Variants in SRP19 observed in about 807,000 individuals in gnomAD.
SRP19 encodes the protein signal recognition particle 19, also known as signal recognition particle 19 kDa protein.
SRP19 carries 11 observed loss-of-function variants against 22.4 expected under a neutral mutation model. The observed-to-expected ratio is 0.49, with a 90% CI of 0.31 to 0.81. The LOEUF is 0.81. Ranked by LOEUF, SRP19 falls within the 40% of genes least tolerant of loss-of-function variation. SRP19 has a pLI of 0.05. For missense variants in SRP19, 168 were observed against 175.9 expected (o/e 0.96, Z 0.25); for synonymous variants, 61 against 57.6 (o/e 1.06, Z -0.27).
chr5:112,894,751 C>G (rs148560021), downstream of SRP19: 1 of 152,138 alleles, frequency 6.6e-6, no homozygotes, highest in Non-Finnish European at 1.5e-5. Flanking sequence ...TTAGTGAATT[C>G]GTTGAGTTTT....
At chr5:112,898,086 G>A (rs1396671713) in exon 4 of SRP19, 1 of 152,010 alleles carries the variant, frequency 6.6e-6, no homozygotes, top group Non-Finnish European at 1.5e-5. Context: ...ACAAACCCAT[G>A]TCCTTACTTG....
Position 112,867,505 on chromosome 5 carries a change from A to G in SRP19, c.403A>G (p.Ser135Gly), listed in dbSNP as rs770043058. The G allele has an allele frequency of 3.7e-6, 6 of 1,613,204 alleles. No individual in the cohort carries two copies. The highest frequency in any genetic ancestry group is 5.1e-6 in the Non-Finnish European group (6 of 1,179,882). ...ADQSLQQGEG[S>G]KKGKGKKKK The stretch of plus-strand genomic sequence containing the variant: ...CCAAAGTCTTCAACAAGGAGAGGGA[A>G]GTAAAAAAGGGAAAGGAAAGAAAAA... Residue 135 changes from serine (S) to glycine (G), a missense_variant, in exon 5 of 5, where the codon AGT becomes GGT. By Grantham distance (56) the Ser-to-Gly change is moderately conservative. Coordinates refer to ENST00000505459, the MANE Select transcript of SRP19 (RefSeq NM_003135.3).
At chr5:112,886,121 T>C (rs939352893) in intron 4 of SRP19, among the ~76,000 whole-genome samples, 4 of 152,222 alleles carry the variant, frequency 2.6e-5, no homozygotes, top group Non-Finnish European at 4.4e-5. Context: ...TCCAATACTG[T>C]TGCTCTTTTC....
intron 4 of SRP19, among the ~76,000 whole-genome samples, chr5:112,889,382 C>T (rs574925890): frequency 3.1e-4 from 46 of 150,644 alleles, no homozygotes; most frequent in African/African-American, 9.9e-4. Context: ...CAGACAAACA[C>T]CAACTCCCAA....
chr5:112,877,691 A>ATTCT (rs1193890615), intron 4 of SRP19: 1 of 152,128 alleles, frequency 6.6e-6, no homozygotes, highest in Admixed American at 6.6e-5. Flanking sequence ...ACTTCCTTTC[A>ATTCT]TTCTCCCAGA....
chr5:112,867,426 A>G lies in SRP19; in HGVS notation c.324A>G (p.Ala108=). 2 of 1,613,990 alleles carry G rather than the reference A, an allele frequency of 1.2e-6. No homozygotes were observed. Among genetic ancestry groups the G allele is most frequent in the Non-Finnish European group, 1.7e-6 (2 of 1,179,908 alleles). Residue 108 remains alanine, a synonymous_variant, in exon 5 of 5, where the codon GCA becomes GCG. Transcript: ENST00000505459. Reference sequence around the variant, plus strand: ...TAGGTAAGTCAGTAATGTTGTATGCAGCAGAAATGATACCTAAACTAAAAA... The same window carrying G: ...TAGGTAAGTCAGTAATGTTGTATGCGGCAGAAATGATACCTAAACTAAAAA... The part of the protein sequence containing the change: ...FPSRKSVMLY[A]AEMIPKLKTR...
At chr5:112,874,406 C>T (rs762478613), downstream of SRP19, among the ~76,000 whole-genome samples, 2 of 152,178 alleles carry the variant, frequency 1.3e-5, no homozygotes, top group Non-Finnish European at 2.9e-5. Flanking sequence ...GGTCTCAACC[C>T]TGGCTCCATA....
chr5:112,875,726 C>T lies in SRP19; in HGVS notation c.301+10994C>T, dbSNP rs1767878551. Among the ~76,000 whole-genome samples the T allele has an allele frequency of 2.0e-5, 3 of 151,304 alleles. 1 individual carries two copies. Among genetic ancestry groups the T allele is most frequent in the Admixed American group, 2.0e-4 (3 of 15,212 alleles). ...TGATCTCTTCTGAAAACAAGTACAG[C>T]ATAATTTGGAGGCACATGTAAAAAG... On this transcript the variant is annotated intron_variant, in intron 4 of 4. Transcript: ENST00000391338.
intron 4 of SRP19, chr5:112,885,502 C>G (rs1768216083): frequency 4.8e-6 from 1 of 207,588 alleles, no homozygotes; most frequent in Admixed American, 5.5e-5. Context: ...CCTAACTAGG[C>G]AGATGAGGGT....
At chr5:112,862,664 C>T in intron 2 of SRP19, 81 bp downstream of exon 2, 7 of 1,220,376 alleles carry the variant, frequency 5.7e-6, no homozygotes, top group Non-Finnish European at 7.1e-6. Context: ...TTGTTAGAGC[C>T]GCAGGGGGTT....
At chr5:112,878,890 G>A (rs1056361794) in intron 4 of SRP19, 33 of 1,612,662 alleles carry the variant, frequency 2.0e-5, no homozygotes, top group Middle Eastern at 1.6e-4. Flanking sequence ...TCTTTGGAAT[G>A]CAAGCTTGCA....
At chr5:112,862,325 C>A (rs1043484350) in intron 1 of SRP19, 183 bp from the exon 2 acceptor site, 2 of 650,790 alleles carry the variant, frequency 3.1e-6, no homozygotes, top group Non-Finnish European at 5.5e-6. Flanking sequence ...ATTAGTTGCT[C>A]GAGGGGACCA....
At chr5:112,862,667 A>C (rs1297650864) in intron 2 of SRP19, 84 bp downstream of exon 2, 14 of 1,199,038 alleles carry the variant, frequency 1.2e-5, no homozygotes, top group Non-Finnish European at 1.7e-5. Context: ...TTAGAGCCGC[A>C]GGGGGTTCTC....
At chr5:112,872,442 C>A (rs951131808), downstream of SRP19, among the ~76,000 whole-genome samples, 1 of 150,302 alleles carries the variant, frequency 6.7e-6, no homozygotes, top group African/African-American at 2.4e-5. Context: ...GATTCTTCTG[C>A]CTCAGCCTCC....
In SRP19 at chr5:112,887,079, C is replaced by G. The variant is rs894293837; in HGVS notation, c.302-4524C>G. On this transcript the variant is annotated intron_variant, in intron 4 of 4. Transcript: ENST00000391338. ...CTTTAAGGTCCTTGACCACACTGTC[C>G]ATCTGGGACTCGTGCTTCAGGAAGA... The G allele has an allele frequency of 3.7e-6, 6 of 1,613,640 alleles. No individual in the cohort carries two copies. In the African/African-American group the frequency reaches 8.0e-5, roughly 22 times the overall value.
At chr5:112,876,382 C>T (rs1022295957) in intron 4 of SRP19, 17 of 152,246 alleles carry the variant, frequency 1.1e-4, no homozygotes, top group African/African-American at 4.1e-4. Context: ...TGAAATATAA[C>T]AGTTAAATGA....
intron 4 of SRP19, among the ~76,000 whole-genome samples, chr5:112,882,969 A>G (rs1768124446): frequency 6.6e-6 from 1 of 152,138 alleles, no homozygotes; most frequent in Non-Finnish European, 1.5e-5. Flanking sequence ...TGTTACCATA[A>G]ACTTCCAGCT....
At chr5:112,895,667 T>C (rs1768660067), downstream of SRP19, 1 of 152,240 alleles carries the variant, frequency 6.6e-6, no homozygotes, top group African/African-American at 2.4e-5. Context: ...GAAATCATTT[T>C]CTTATGTTAA....
At chr5:112,867,378 C>T in intron 4 of SRP19, 26 bp from the exon 5 acceptor site, 2 of 1,607,550 alleles carry the variant, frequency 1.2e-6, no homozygotes, top group South Asian at 1.1e-5. Flanking sequence ...TCAGATTATA[C>T]ACTAAGCCTA....
Sources: allele counts gnomAD v4.1 joint callset (sites outside exome capture counted in the v4.1 genomes callset), GRCh38; gene constraint gnomAD v4.1.1; transcripts MANE v1.5; gene names NCBI Gene and HGNC (gene_info 2026-07-23, HGNC 2026-07-21).